Variants in BCAM observed in about 807,000 individuals in gnomAD.
BCAM encodes basal cell adhesion molecule.
Under a neutral mutation model 72.4 loss-of-function variants are expected in BCAM, and 61 were observed. That is an observed-to-expected ratio of 0.84 (90% confidence interval 0.69 to 1.04). BCAM has a LOEUF of 1.04. BCAM is among the 50% of genes least tolerant of loss of function. BCAM has a pLI of 0.00. For missense variants in BCAM, 909 were observed against 895.0 expected, an observed-to-expected ratio of 1.02 and a Z score of -0.20; for synonymous variants, 408 against 384.2, an observed-to-expected ratio of 1.06 and a Z score of -0.73.
At chr19:44,817,585 C>T (rs1168001485) in intron 8 of BCAM, among the ~76,000 whole-genome samples, 2 of 151,146 alleles carry the variant, frequency 1.3e-5, no homozygotes, top group South Asian at 2.1e-4. Flanking sequence ...CACTCTGTCA[C>T]CCAGGCTGGA....
rs988585599 is a variant in BCAM at position 44,812,100 on chromosome 19, A to G, written c.205-63A>G. ...CAGGAGCTGCAGAGAGAAAGGACCCAGAGAGAGAGAGACTGAGGAGCGCTG... is the reference window on the plus strand; with the variant it reads ...CAGGAGCTGCAGAGAGAAAGGACCCGGAGAGAGAGAGACTGAGGAGCGCTG... On this transcript the variant is annotated intron_variant, in intron 2 of 14. Transcript: ENST00000270233. This position sits in a 1 kb window ranked among gnomAD's most constrained non-coding sequence, Gnocchi z 5.3. 1 of 1,311,514 alleles carries G rather than the reference A, an allele frequency of 7.6e-7. No homozygotes were observed. The highest frequency in any genetic ancestry group is 1.0e-6 in the Non-Finnish European group (1 of 960,658). The allele number at this position is 1,311,514 out of a possible 1,614,324, so 81.2% of individuals were successfully genotyped here.
chr19:44,821,284 T>A lies in BCAM; in HGVS notation c.*363T>A. 1 of 246,200 alleles carries A rather than the reference T, an allele frequency of 4.1e-6. No homozygotes were observed. The highest frequency in any genetic ancestry group is 8.1e-5 in the East Asian group (1 of 12,362). 15.3% of individuals were successfully genotyped at this position (246,200 alleles called of 1,614,324 possible). On this transcript the variant is annotated 3_prime_UTR_variant, in exon 15 of 15. Transcript: ENST00000270233. ...CTGCTGGTCCCCCCACCTGACGTCT[T>A]GCTGCAGAGTCTGACACTGGATTCC... is the stretch of plus-strand genomic sequence containing the variant.
chr19:44,820,793 AG>A lies in BCAM; in HGVS notation c.1856del (p.Gly619ValfsTer16). On this transcript the variant is annotated frameshift_variant, in exon 14 of 15. Transcript: ENST00000270233. LOFTEE classifies it high-confidence loss of function. The part of the protein sequence containing the change: ...LLMGGASGGA[R>X]GGSGGFGDEC ...CATGGGAGGTGCCTCCGGAGGAGCC[AG>A]GGGTGGCAGCGGGGGCTTCGGAGAC... 6.6e-7 allele frequency: 1 copy of A among 1,511,622 alleles called. No individual in the cohort carries two copies. Among genetic ancestry groups the A allele is most frequent in the Non-Finnish European group, 8.9e-7 (1 of 1,126,638 alleles). The allele number at this position is 1,511,622 out of a possible 1,614,324, so 93.6% of individuals were successfully genotyped here.
rs980391005 is a variant in BCAM at position 44,813,040 on chromosome 19, G to T, written c.505-210G>T. On this transcript the variant is annotated intron_variant, in intron 4 of 14. Transcript: ENST00000270233. The surrounding 1 kb of genome is among the most constrained non-coding windows in gnomAD (Gnocchi z 4.2). ...TGTCCTAGGAAGGAGAGAGCTGGGG[G>T]ACCCAGAATCCTTGGTCCCTGGAGG... 8.5e-6 allele frequency: 5 copies of T among 585,504 alleles called. No homozygotes were observed. Among genetic ancestry groups the T allele is most frequent in the Non-Finnish European group, 1.5e-5 (5 of 333,904 alleles). The allele number at this position is 585,504 out of a possible 1,614,324, so 36.3% of individuals were successfully genotyped here.
Position 44,816,757 on chromosome 19 carries a change from G to A in BCAM, c.1079-1765G>A, listed in dbSNP as rs1166148580. ...AGTTCGAGACCAGCCTGGCCAACAT[G>A]GTGAAACCCCATCTCTACTAAAAAT... On this transcript the variant is annotated intron_variant, in intron 8 of 14. Coordinates refer to ENST00000270233, the MANE Select transcript of BCAM (RefSeq NM_005581.5). Among the ~76,000 whole-genome samples, 2 of 151,806 alleles carry A rather than the reference G, an allele frequency of 1.3e-5. 1 individual carries two copies. The highest frequency in any genetic ancestry group is 4.8e-5 in the African/African-American group (2 of 41,304).
rs114699262 is a variant in BCAM, at chr19:44,815,591, T to G, written c.1078+831T>G. Reference sequence around the variant, plus strand: ...CAGTCTGCTTTCCTGAGAAGCAGATTCTGACTTGGATGTTTTCAGGCAAGA... The same window carrying G: ...CAGTCTGCTTTCCTGAGAAGCAGATGCTGACTTGGATGTTTTCAGGCAAGA... On this transcript the variant is annotated intron_variant, in intron 8 of 14. Coordinates refer to ENST00000270233, the MANE Select transcript of BCAM (RefSeq NM_005581.5). Among the ~76,000 whole-genome samples, 668 of 152,274 alleles carry G rather than the reference T, an allele frequency of 4.4e-3. 7 individuals carry two copies. Among genetic ancestry groups the G allele is most frequent in the African/African-American group, 0.015 (640 of 41,556 alleles).
rs200947707 is a variant in BCAM, at chr19:44,813,581, G to T, written c.745G>T (p.Gly249Cys). ...CTACAGCCTGCCCGAGGGCCGCCAC[G>T]GCCGCCTGGACAGCCCCACCTTCCA... The part of the protein sequence containing the change: ...AHYSLPEGRH[G>C]RLDSPTFHLT... Residue 249 changes from glycine to cysteine, a missense_variant, in exon 6 of 15, where the codon GGC (glycine) becomes TGC (cysteine). Physicochemically the swap from Gly to Cys is radical, Grantham distance 159. Coordinates refer to ENST00000270233, the MANE Select transcript of BCAM (RefSeq NM_005581.5). The surrounding 1 kb of genome is among the most constrained non-coding windows in gnomAD (Gnocchi z 4.2). 4.3e-6 allele frequency: 7 copies of T among 1,612,400 alleles called. No homozygotes were observed. The Admixed American group carries it at 1.0e-4, about 23-fold the overall frequency.
Position 44,818,146 on chromosome 19 carries a change from T to C in BCAM, c.1079-376T>C, listed in dbSNP as rs1015082013. On this transcript the variant is annotated intron_variant, in intron 8 of 14. Transcript: ENST00000270233. The surrounding 1 kb of genome is among the most constrained non-coding windows in gnomAD (Gnocchi z 4.6). ...TTGTCTCTATTCAAAAACAAAACTT[T>C]GCAGAAAAGATGTTTGGGGGTAACA... Among the ~76,000 whole-genome samples the C allele has an allele frequency of 6.6e-6, 1 of 152,144 alleles. No individual in the cohort carries two copies. Among genetic ancestry groups the C allele is most frequent in the Non-Finnish European group, 1.5e-5 (1 of 68,024 alleles).
chr19:44,814,879 C>A lies in BCAM; in HGVS notation c.1078+119C>A. ...CCAAACACTCTGCCTTCAACCCTTT[C>A]TCTGCATTTCTTGGGGGTTTTTTTG... is the stretch of plus-strand genomic sequence containing the variant. On this transcript the variant is annotated intron_variant, in intron 8 of 14. Coordinates refer to ENST00000270233, the MANE Select transcript of BCAM (RefSeq NM_005581.5). The surrounding 1 kb of genome is among the most constrained non-coding windows in gnomAD (Gnocchi z 4.6). 13 of 1,040,032 alleles carry A rather than the reference C, an allele frequency of 1.2e-5. No homozygotes were observed. The highest frequency in any genetic ancestry group is 3.7e-5 in the Admixed American group (1 of 26,906). 64.4% of individuals were successfully genotyped at this position (1,040,032 alleles called of 1,614,324 possible).
At chr19:44,820,070 T>G in intron 13 of BCAM, 2 of 1,148,736 alleles carry the variant, frequency 1.7e-6, no homozygotes, top group Non-Finnish European at 1.1e-6. Context: ...CTGTCTCCAA[T>G]CCCAACCCTG....
Position 44,813,452 on chromosome 19 carries a change from AGCC to A in BCAM, c.619_621del (p.Arg207del), listed in dbSNP as rs1456328083. 6.2e-7 allele frequency: 1 copy of A among 1,611,090 alleles called. No individual in the cohort carries two copies. Among genetic ancestry groups the A allele is most frequent in the African/African-American group, 1.3e-5 (1 of 74,886 alleles). ...ATCTCTCCCAGAGGGCTACATGACC[AGCC>A]GCACGGTCCGGGAGGCCTCGGGCCT... is the stretch of plus-strand genomic sequence containing the variant. On this transcript the variant is annotated inframe_deletion, in exon 6 of 15. Transcript: ENST00000270233. The surrounding 1 kb of genome is among the most constrained non-coding windows in gnomAD (Gnocchi z 4.2).
chr19:44,811,964 G>A (rs1186434139), intron 2 of BCAM, 199 bp from the exon 3 acceptor site: 21 of 613,394 alleles, frequency 3.4e-5, no homozygotes, highest in East Asian at 8.7e-5. Context: ...GGAATGAGAT[G>A]GAGAAAAGGA....
intron 8 of BCAM, among the ~76,000 whole-genome samples, chr19:44,817,752 C>T (rs1968521591): frequency 6.6e-6 from 1 of 152,146 alleles, no homozygotes; most frequent in Admixed American, 6.6e-5. Context: ...ACCATGTGAC[C>T]AGGGTGGTCT....
In BCAM at chr19:44,813,584, C is replaced by G; in HGVS notation, c.748C>G (p.Arg250Gly). 4 of 1,612,622 alleles carry G rather than the reference C, an allele frequency of 2.5e-6. No individual in the cohort carries two copies. The East Asian group carries it at 8.9e-5, about 36-fold the overall frequency. Residue 250 changes from arginine to glycine, a missense_variant, in exon 6 of 15, where the codon CGC (arginine) becomes GGC (glycine). By Grantham distance (125) the Arg-to-Gly change is moderately radical. Transcript: ENST00000270233. The surrounding 1 kb of genome is among the most constrained non-coding windows in gnomAD (Gnocchi z 4.2). The part of the protein sequence containing the change: ...HYSLPEGRHG[R>G]LDSPTFHLTL... ...CAGCCTGCCCGAGGGCCGCCACGGC[C>G]GCCTGGACAGCCCCACCTTCCACCT... is the stretch of plus-strand genomic sequence containing the variant.
Position 44,818,523 on chromosome 19 carries a change from T to G in BCAM, c.1080T>G (p.Tyr360Ter). Reference protein sequence around the residue: ...LSKTLELRVAYLDPLELSEGK... With the variant: ...LSKTLELRVA Reference sequence around the variant, plus strand: ...GTGACAGACTGTCCCCCACTGCAGATCTGGACCCCCTGGAGCTCAGCGAGG... The same window carrying G: ...GTGACAGACTGTCCCCCACTGCAGAGCTGGACCCCCTGGAGCTCAGCGAGG... The change falls in exon 9 of 15, where the codon TAT (tyrosine) becomes TAG (stop). Residue 360 changes from tyrosine (Y) to a stop codon, truncating the protein, a stop_gained and splice_region_variant. Transcript: ENST00000270233. LOFTEE classifies it high-confidence loss of function. This position sits in a 1 kb window ranked among gnomAD's most constrained non-coding sequence, Gnocchi z 4.6. The G allele has an allele frequency of 6.2e-7, 1 of 1,613,518 alleles. No individual in the cohort carries two copies. Among genetic ancestry groups the G allele is most frequent in the Non-Finnish European group, 8.5e-7 (1 of 1,179,696 alleles).
Position 44,820,917 on chromosome 19 carries a change from G to T in BCAM, c.1883G>T (p.Cys628Phe). 6.4e-7 allele frequency: 1 copy of T among 1,562,358 alleles called. No individual in the cohort carries two copies. The highest frequency in any genetic ancestry group is 1.9e-5 in the Admixed American group (1 of 52,984). The change falls in exon 15 of 15, where the codon TGC (cysteine) becomes TTC (phenylalanine). Residue 628 changes from cysteine to phenylalanine, a missense_variant and splice_region_variant. Cys to Phe is a radical substitution (Grantham distance 205, BLOSUM62 -2). Coordinates refer to ENST00000270233, the MANE Select transcript of BCAM (RefSeq NM_005581.5). The part of the protein sequence containing the change: ...RGGSGGFGDE[C>F] ...CTGACCTCTCCATCCGCTCCCCAGT[G>T]CTGAGCCAAGAACCTCCTAGAGGCT...
At chr19:44,820,504 A>G (rs1968569866) in intron 13 of BCAM, 1 of 1,264,096 alleles carries the variant, frequency 7.9e-7, no homozygotes. Context: ...CCCCAATAGC[A>G]TCTGCATCCC....
At position 44,812,092 on chromosome 19, in the gene BCAM, A is replaced by AAGGACCCAGAGAGAGAGAGACTG; in HGVS notation, c.205-66_205-44dup. The AAGGACCCAGAGAGAGAGAGACTG allele has an allele frequency of 7.0e-7, 1 of 1,434,294 alleles. No homozygotes were observed. The highest frequency in any genetic ancestry group is 9.4e-7 in the Non-Finnish European group (1 of 1,063,056). 88.8% of individuals were successfully genotyped at this position (1,434,294 alleles called of 1,614,324 possible). A position where few individuals can be genotyped will look rare whatever the true frequency, so the allele number is the denominator to read the frequency against. On this transcript the variant is annotated intron_variant, in intron 2 of 14. Coordinates refer to ENST00000270233, the MANE Select transcript of BCAM (RefSeq NM_005581.5). The surrounding 1 kb of genome is among the most constrained non-coding windows in gnomAD (Gnocchi z 5.3). Reference sequence around the variant, plus strand: ...GGCAGAGCCAGGAGCTGCAGAGAGAAAGGACCCAGAGAGAGAGAGACTGAG... The same window carrying AAGGACCCAGAGAGAGAGAGACTG: ...GGCAGAGCCAGGAGCTGCAGAGAGAAAGGACCCAGAGAGAGAGAGACTGAGGACCCAGAGAGAGAGAGACTGAG...
rs761449807 is a variant in BCAM, at chr19:44,813,236, C to CGT, written c.505-11_505-10dup. Reference sequence around the variant, plus strand: ...CCAGCTCCAAGCCCAGGGCCATGCCCGTGTCTGCCTCAGATCGCCACCTGC... The same window carrying CGT: ...CCAGCTCCAAGCCCAGGGCCATGCCCGTGTGTCTGCCTCAGATCGCCACCTGC... On this transcript the variant is annotated splice_polypyrimidine_tract_variant and intron_variant, in intron 4 of 14. Transcript: ENST00000270233. The surrounding 1 kb of genome is among the most constrained non-coding windows in gnomAD (Gnocchi z 4.2). The CGT allele has an allele frequency of 1.2e-5, 19 of 1,613,596 alleles. No individual in the cohort carries two copies. In the East Asian group the frequency reaches 3.3e-4, roughly 28 times the overall value.
Sources: gnomAD v4.1 joint callset for allele counts (sites outside exome capture counted in the v4.1 genomes callset) on GRCh38, gnomAD v4.1.1 for gene constraint, Gnocchi (gnomAD v3.1) non-coding constraint, MANE v1.5 for transcripts, NCBI Gene and HGNC (gene_info 2026-07-23, HGNC 2026-07-21) for gene names.